ADAMTS5: variants seen among roughly 807,000 people sequenced by gnomAD.
The protein encoded by ADAMTS5 is ADAM metallopeptidase with thrombospondin type 1 motif 5.
A neutral mutation model predicts 81.4 loss-of-function variants in ADAMTS5; 54 were observed. That is an observed-to-expected ratio of 0.66 (90% confidence interval 0.53 to 0.83). The LOEUF (loss-of-function observed/expected upper bound fraction) is 0.83. Ranked by LOEUF, ADAMTS5 falls within the 40% of genes least tolerant of loss-of-function variation. ADAMTS5 has a pLI of 0.00. For synonymous variants in ADAMTS5, 532 were observed against 508.8 expected (o/e 1.05, Z -0.61); for missense variants, 1,194 against 1,229.9 (o/e 0.97, Z 0.44).
At chr21:26,950,035 G>A (rs1306887148) in intron 2 of ADAMTS5, among the ~76,000 whole-genome samples, 1 of 152,184 alleles carries the variant, frequency 6.6e-6, no homozygotes, top group Non-Finnish European at 1.5e-5. Flanking sequence ...AACACAGGCG[G>A]CTTTGCTGTT....
chr21:26,959,236 T>C (rs1311635156), intron 1 of ADAMTS5, among the ~76,000 whole-genome samples: 1 of 152,246 alleles, frequency 6.6e-6, no homozygotes, highest in Non-Finnish European at 1.5e-5. Flanking sequence ...AATTCAATGC[T>C]GTTAGTGAGA....
intron 3 of ADAMTS5, among the ~76,000 whole-genome samples, chr21:26,940,199 T>TG (rs1233096585): frequency 6.6e-6 from 1 of 151,994 alleles, no homozygotes; most frequent in Non-Finnish European, 1.5e-5. Flanking sequence ...TGAGAGGGGG[T>TG]GGGGTAAGAT....
At chr21:26,949,117 G>A (rs162491) in intron 2 of ADAMTS5, among the ~76,000 whole-genome samples, 36,448 of 150,888 alleles carry the variant, frequency 0.24, 5,280 homozygotes, top group Admixed American at 0.32. Context: ...TTTTACTTAT[G>A]AGTATTCTAG....
At position 26,928,312 on chromosome 21, in the gene ADAMTS5, T is replaced by C. The variant is rs187374840; in HGVS notation, c.2225+1574A>G. On this transcript the variant is annotated intron_variant, in intron 7 of 7. Coordinates refer to ENST00000284987, the MANE Select transcript of ADAMTS5 (RefSeq NM_007038.5). ...CTATGGCCTCCCTAGGTAATTAATT[T>C]GAACTACTCAAACATGTCATTTGTA... is the stretch of plus-strand genomic sequence containing the variant. Among the ~76,000 whole-genome samples, 1,171 of 152,304 alleles carry C rather than the reference T, an allele frequency of 7.7e-3. 12 individuals carry two copies. Among genetic ancestry groups the C allele is most frequent in the African/African-American group, 0.027 (1,109 of 41,568 alleles).
rs117352299 is a variant in ADAMTS5, at chr21:26,938,827, G to A, written c.1406-4078C>T. Among the ~76,000 whole-genome samples the A allele has an allele frequency of 3.0e-3, 453 of 152,246 alleles. 8 individuals carry two copies. Among genetic ancestry groups the A allele is most frequent in the East Asian group, 0.021 (111 of 5,166 alleles). ...TTACAGGGAGTGAGCCACCATGCCC[G>A]GTCTCAAAGTTGTTGTTCTTTATTG... On this transcript the variant is annotated intron_variant, in intron 3 of 7. Transcript: ENST00000284987.
At chr21:26,934,250 C>A (rs760385300) in intron 4 of ADAMTS5, among the ~76,000 whole-genome samples, 19 of 152,184 alleles carry the variant, frequency 1.2e-4, no homozygotes, top group Non-Finnish European at 2.6e-4. Context: ...AAGATGTAAA[C>A]TGCAAATAAA....
chr21:26,966,640 G>GT lies in ADAMTS5; in HGVS notation c.-250_-249insA, dbSNP rs1265396584. 1 of 119,622 alleles carries GT rather than the reference G, an allele frequency of 8.4e-6. No homozygotes were observed. The highest frequency in any genetic ancestry group is 3.4e-5 in the African/African-American group (1 of 29,566). The allele number at this position is 119,622 out of a possible 1,614,324, so 7.4% of individuals were successfully genotyped here. A position where few individuals can be genotyped will look rare whatever the true frequency, so the allele number is the denominator to read the frequency against. The stretch of plus-strand genomic sequence containing the variant: ...CTCCAGAAAGAGGTGGGGTGGGGGG[G>GT]GGGGGAAAGAAAAGATTAAAAAAAA... On this transcript the variant is annotated 5_prime_UTR_variant, in exon 1 of 8. Coordinates refer to ENST00000284987, the MANE Select transcript of ADAMTS5 (RefSeq NM_007038.5).
chr21:26,947,036 C>A (rs1427705249), intron 2 of ADAMTS5, among the ~76,000 whole-genome samples: 3 of 152,158 alleles, frequency 2.0e-5, no homozygotes, highest in African/African-American at 7.2e-5. Context: ...TAACTATCTG[C>A]TGTCAGGATT....
Position 26,929,950 on chromosome 21 carries a change from A to T in ADAMTS5, c.2161T>A (p.Cys721Ser). Residue 721 changes from cysteine (C) to serine (S), a missense_variant, in exon 7 of 8, where the codon TGC becomes AGC. Coordinates refer to ENST00000284987, the MANE Select transcript of ADAMTS5 (RefSeq NM_007038.5). The stretch of plus-strand genomic sequence containing the variant: ...GAGTTGTCTCCTCCACATACTCCGC[A>T]CTTGTCATACTGCAGCTTTGAGCCA... ...IIGSKLQYDK[C>S]GVCGGDNSSC... 6.2e-7 allele frequency: 1 copy of T among 1,614,170 alleles called. No individual in the cohort carries two copies. Among genetic ancestry groups the T allele is most frequent in the East Asian group, 2.2e-5 (1 of 44,886 alleles).
chr21:26,962,546 A>C (rs1246687350), intron 1 of ADAMTS5, among the ~76,000 whole-genome samples: 1 of 152,248 alleles, frequency 6.6e-6, no homozygotes, highest in Non-Finnish European at 1.5e-5. Context: ...AGGTGGCCTC[A>C]GCTAGTAAAC....
rs1031079052 is a variant in ADAMTS5 at position 26,928,242 on chromosome 21, T to C, written c.2225+1644A>G. ...TTGAGCCAAAGCTTGATTACAAATA[T>C]TGCAGTATGAGATCAATGTTCTTTT... On this transcript the variant is annotated intron_variant, in intron 7 of 7. Transcript: ENST00000284987. Among the ~76,000 whole-genome samples the C allele has an allele frequency of 5.3e-5, 8 of 152,186 alleles. No individual in the cohort carries two copies. The East Asian group carries it at 1.5e-3, about 29-fold the overall frequency.
intron 7 of ADAMTS5, among the ~76,000 whole-genome samples, chr21:26,929,319 T>C (rs1986863143): frequency 6.6e-6 from 1 of 152,128 alleles, no homozygotes; most frequent in Non-Finnish European, 1.5e-5. Flanking sequence ...TGGTACTTCA[T>C]AAACTTGAAT....
At position 26,924,170 on chromosome 21, in the gene ADAMTS5, G is replaced by A. The variant is rs1986756622; in HGVS notation, c.2676C>T (p.Asp892=). 1.2e-6 allele frequency: 2 copies of A among 1,614,208 alleles called. No individual in the cohort carries two copies. Among genetic ancestry groups the A allele is most frequent in the South Asian group, 1.1e-5 (1 of 91,088 alleles). ...GPWLACSRTC[D]TGWHTRTVQC... ...GCACCGTTCTGGTGTGCCAACCTGT[G>A]TCACAGGTCCTAGAGCAGGCGAGCC... is the stretch of plus-strand genomic sequence containing the variant. The change falls in exon 8 of 8, where the codon GAC becomes GAT. Residue 892 remains aspartate, a synonymous_variant. Transcript: ENST00000284987.
chr21:26,955,514 T>C (rs1448786952), intron 1 of ADAMTS5, among the ~76,000 whole-genome samples: 1 of 152,168 alleles, frequency 6.6e-6, no homozygotes, highest in Non-Finnish European at 1.5e-5. Flanking sequence ...TATACATGAA[T>C]ATATGCATTT....
intron 7 of ADAMTS5, among the ~76,000 whole-genome samples, chr21:26,925,713 C>T (rs767379440): frequency 1.3e-5 from 2 of 152,170 alleles, no homozygotes; most frequent in Non-Finnish European, 2.9e-5. Context: ...ATTTCCAGTT[C>T]TCATTCACAT....
Position 26,948,323 on chromosome 21 carries a change from T to C in ADAMTS5, c.1238-4776A>G, listed in dbSNP as rs552670811. 2.6e-5 allele frequency among the ~76,000 whole-genome samples: 4 copies of C among 152,330 alleles called. No individual in the cohort carries two copies. In the South Asian group the frequency reaches 8.3e-4, roughly 32 times the overall value. ...TTAAACAGAATTTCAAGCTCTTGTC[T>C]CCTGATCCCAAACTGACCAATGGTC... On this transcript the variant is annotated intron_variant, in intron 2 of 7. Transcript: ENST00000284987.
chr21:26,943,990 A>G (rs965393417), intron 2 of ADAMTS5, among the ~76,000 whole-genome samples: 3 of 152,150 alleles, frequency 2.0e-5, no homozygotes, highest in African/African-American at 7.2e-5. Flanking sequence ...TATTGAACTT[A>G]GTGCTGTGCA....
At chr21:26,957,290 C>T (rs1246040808) in intron 1 of ADAMTS5, among the ~76,000 whole-genome samples, 1 of 152,032 alleles carries the variant, frequency 6.6e-6, no homozygotes, top group Middle Eastern at 3.2e-3. Context: ...TTCTTAAATT[C>T]TTAAATTCTG....
Position 26,966,327 on chromosome 21 carries a change from G to A in ADAMTS5, c.65C>T (p.Pro22Leu), listed in dbSNP as rs931193149. The change falls in exon 1 of 8, where the codon CCC (proline) becomes CTC (leucine). Residue 22 changes from proline (P) to leucine (L), a missense_variant. Transcript: ENST00000284987. ...AFRLPLAAVG[P>L]AATPAQDKAG... ...TTTATCCTGGGCAGGTGTCGCGGCG[G>A]GGCCGACCGCGGCCAGGGGCAGGCG... is the stretch of plus-strand genomic sequence containing the variant. 2.3e-5 allele frequency: 34 copies of A among 1,510,184 alleles called. No homozygotes were observed. The highest frequency in any genetic ancestry group is 2.9e-5 in the Non-Finnish European group (33 of 1,137,650). The allele number at this position is 1,510,184 out of a possible 1,614,324, so 93.5% of individuals were successfully genotyped here. A position where few individuals can be genotyped will look rare whatever the true frequency, so the allele number is the denominator to read the frequency against.
Sources: allele counts gnomAD v4.1 joint callset (sites outside exome capture counted in the v4.1 genomes callset), GRCh38; gene constraint gnomAD v4.1.1; transcripts MANE v1.5; gene names NCBI Gene and HGNC (gene_info 2026-07-23, HGNC 2026-07-21).